GRID1: variants seen among roughly 807,000 people sequenced by gnomAD.
The protein encoded by GRID1 is glutamate ionotropic receptor delta type subunit 1, also known as glutamate receptor ionotropic, delta-1.
In GRID1, 28 loss-of-function variants were observed where a neutral mutation model predicts 98.0. The ratio of observed to expected loss-of-function variants is 0.29; its 90% CI spans 0.21 to 0.39. GRID1 has a LOEUF of 0.39. GRID1 is among the 10% of genes least tolerant of loss of function. The pLI, the probability that GRID1 is intolerant of heterozygous loss-of-function variation, is 1.00. For synonymous variants in GRID1, 553 were observed against 538.5 expected (o/e 1.03, Z -0.37); for missense variants, 1,111 against 1,340.5 (o/e 0.83, Z 2.67).
intron 3 of GRID1, among the ~76,000 whole-genome samples, chr10:86,157,006 G>T (rs1845254737): frequency 6.6e-6 from 1 of 152,160 alleles, no homozygotes; most frequent in Non-Finnish European, 1.5e-5. Context: ...GGGGAAGAGT[G>T]AACAAGCTGA....
chr10:85,614,411 TC>T (rs1463801292), intron 14 of GRID1, among the ~76,000 whole-genome samples: 1 of 152,196 alleles, frequency 6.6e-6, no homozygotes, highest in African/African-American at 2.4e-5. Flanking sequence ...CCAAGGAGTA[TC>T]CTCCATGCTT....
intron 2 of GRID1, among the ~76,000 whole-genome samples, chr10:86,316,291 A>C (rs1392367184): frequency 6.6e-6 from 1 of 152,220 alleles, no homozygotes; most frequent in African/African-American, 2.4e-5. Flanking sequence ...GGCAGAGATC[A>C]CATCACGCTC....
intron 2 of GRID1, among the ~76,000 whole-genome samples, chr10:86,340,903 A>C (rs1175658879): frequency 6.6e-6 from 1 of 151,732 alleles, no homozygotes; most frequent in Non-Finnish European, 1.5e-5. Context: ...TCAGGAGCCT[A>C]CTCCTGCTCA....
chr10:85,643,038 C>A (rs1472331698), intron 13 of GRID1, among the ~76,000 whole-genome samples: 1 of 152,104 alleles, frequency 6.6e-6, no homozygotes, highest in African/African-American at 2.4e-5. Context: ...CAATTCCCCA[C>A]CTAAATTGGT....
At chr10:86,199,963 G>A (rs1233278754) in intron 3 of GRID1, among the ~76,000 whole-genome samples, 1 of 151,972 alleles carries the variant, frequency 6.6e-6, no homozygotes, top group Non-Finnish European at 1.5e-5. Flanking sequence ...ATGGCTCCCA[G>A]AGATTTCTGG....
intron 5 of GRID1, among the ~76,000 whole-genome samples, chr10:85,876,544 G>T (rs954892493): frequency 6.6e-6 from 1 of 152,064 alleles, no homozygotes; most frequent in Non-Finnish European, 1.5e-5. Flanking sequence ...ATACTAACAG[G>T]TTCTAGGATT....
chr10:86,242,518 C>A (rs900079185), intron 2 of GRID1, among the ~76,000 whole-genome samples: 2 of 152,160 alleles, frequency 1.3e-5, no homozygotes, highest in African/African-American at 4.8e-5. Context: ...ATTCACAGGC[C>A]CTGGCTCAGC....
chr10:86,250,048 G>T (rs72841800), intron 2 of GRID1, among the ~76,000 whole-genome samples: 1 of 152,036 alleles, frequency 6.6e-6, no homozygotes, highest in Non-Finnish European at 1.5e-5. Flanking sequence ...TGGGTGAATG[G>T]ATGGATGTGT....
chr10:86,250,376 C>T (rs1037319676), intron 2 of GRID1, among the ~76,000 whole-genome samples: 5 of 152,224 alleles, frequency 3.3e-5, no homozygotes, highest in African/African-American at 1.2e-4. Flanking sequence ...TTACCATCCC[C>T]ATGCACAGGT....
chr10:85,659,913 T>C (rs1050508358), intron 12 of GRID1, among the ~76,000 whole-genome samples: 2 of 152,236 alleles, frequency 1.3e-5, no homozygotes, highest in Non-Finnish European at 2.9e-5. Context: ...AGAGCCAAGT[T>C]GAGCTTGTTG....
chr10:85,650,217 T>C (rs1843249697), intron 12 of GRID1: 1 of 151,994 alleles, frequency 6.6e-6, no homozygotes, highest in African/African-American at 2.4e-5. Flanking sequence ...AAGCCAACAG[T>C]GGTAGTCAGT....
At chr10:85,784,371 C>T (rs1191848690) in intron 8 of GRID1, among the ~76,000 whole-genome samples, 2 of 152,254 alleles carry the variant, frequency 1.3e-5, no homozygotes, top group East Asian at 3.9e-4. Context: ...TAGTACAGAC[C>T]TCTAGACAGA....
intron 14 of GRID1, among the ~76,000 whole-genome samples, chr10:85,615,230 C>G (rs1024971397): frequency 1.6e-4 from 24 of 152,272 alleles, no homozygotes; most frequent in African/African-American, 5.5e-4. Context: ...ACAGCATGGC[C>G]TCCTGATGGC....
intron 8 of GRID1, among the ~76,000 whole-genome samples, chr10:85,784,165 C>T (rs1295313479): frequency 6.6e-6 from 1 of 152,180 alleles, no homozygotes; most frequent in Non-Finnish European, 1.5e-5. Context: ...CCTTCTCTTG[C>T]AAGAATTATT....
chr10:86,264,129 G>A (rs1395577585), intron 2 of GRID1, among the ~76,000 whole-genome samples: 1 of 152,004 alleles, frequency 6.6e-6, no homozygotes, highest in Admixed American at 6.5e-5. Flanking sequence ...AGGTACTGCT[G>A]GGCACCCTCC....
intron 8 of GRID1, among the ~76,000 whole-genome samples, chr10:85,786,434 C>T (rs1842429899): frequency 6.6e-6 from 1 of 152,194 alleles, no homozygotes; most frequent in Non-Finnish European, 1.5e-5. Context: ...ATGTGACAAC[C>T]CCTGCTCTTT....
Position 86,366,517 on chromosome 10 carries a change from G to T in GRID1, c.-125C>A. The stretch of plus-strand genomic sequence containing the variant: ...CCGGGAGAGCCGAGCCCGCCCGTGC[G>T]TCTTCCCCCGCGCGCCCGCCCCTGC... On this transcript the variant is annotated 5_prime_UTR_variant, in exon 1 of 16. Transcript: ENST00000327946. This position sits in a 1 kb window ranked among gnomAD's most constrained non-coding sequence, Gnocchi z 4.1. 2 of 459,444 alleles carry T rather than the reference G, an allele frequency of 4.4e-6. No individual in the cohort carries two copies. The allele number at this position is 459,444 out of a possible 1,614,324, so 28.5% of individuals were successfully genotyped here. A position where few individuals can be genotyped will look rare whatever the true frequency, so the allele number is the denominator to read the frequency against.
chr10:86,320,095 G>A (rs557779689), intron 2 of GRID1, among the ~76,000 whole-genome samples: 19 of 152,348 alleles, frequency 1.2e-4, no homozygotes, highest in African/African-American at 3.1e-4. Flanking sequence ...CCGGCAGAGC[G>A]CGAAAACTCA....
At chr10:85,898,655 C>G (rs1841331640) in intron 5 of GRID1, among the ~76,000 whole-genome samples, 1 of 152,054 alleles carries the variant, frequency 6.6e-6, no homozygotes, top group Admixed American at 6.5e-5. Flanking sequence ...GGGTCAGGAT[C>G]AACAATATCA....
Sources: allele counts gnomAD v4.1 joint callset (sites outside exome capture counted in the v4.1 genomes callset), GRCh38; gene constraint gnomAD v4.1.1; non-coding constraint Gnocchi (gnomAD v3.1); transcripts MANE v1.5; gene names NCBI Gene and HGNC (gene_info 2026-07-23, HGNC 2026-07-21).